Variants in CHAF1A observed in about 807,000 individuals in gnomAD.
CHAF1A encodes the protein chromatin assembly factor 1 subunit A.
CHAF1A carries 5 observed loss-of-function variants against 93.2 expected under a neutral mutation model. That is an observed-to-expected ratio of 0.05 (90% CI 0.03 to 0.11). The LOEUF (loss-of-function observed/expected upper bound fraction) is 0.11. CHAF1A is among the 10% of genes least tolerant of loss of function. The probability of loss-of-function intolerance (pLI) is 1.00; values close to 1 mark genes in which losing one functional copy is unlikely to be tolerated. For missense variants in CHAF1A, 1,102 were observed against 1,259.9 expected, an observed-to-expected ratio of 0.87 and a Z score of 1.90; for synonymous variants, 504 against 510.3, an observed-to-expected ratio of 0.99 and a Z score of 0.17.
chr19:4,414,885 C>T (rs556309171), intron 3 of CHAF1A, among the ~76,000 whole-genome samples: 18 of 152,160 alleles, frequency 1.2e-4, no homozygotes, highest in Non-Finnish European at 2.5e-4. Context: ...TTCTCTTTTC[C>T]CCCCTGCCTC....
Position 4,442,433 on chromosome 19 carries a change from C to T in CHAF1A, c.2770+92C>T, listed in dbSNP as rs1599667552. Reference sequence around the variant, plus strand: ...AAGGGATGGGGCTGCCTAAGACTAGCTCCACTGTGAGCAGCCAGGAGGGCT... The same window carrying T: ...AAGGGATGGGGCTGCCTAAGACTAGTTCCACTGTGAGCAGCCAGGAGGGCT... On this transcript the variant is annotated intron_variant, in intron 14 of 14. Coordinates refer to ENST00000301280, the MANE Select transcript of CHAF1A (RefSeq NM_005483.3). The T allele has an allele frequency of 2.8e-6, 3 of 1,073,304 alleles. No individual in the cohort carries two copies. The East Asian group carries it at 7.8e-5, about 28-fold the overall frequency. 66.5% of individuals were successfully genotyped at this position (1,073,304 alleles called of 1,614,324 possible). A position where few individuals can be genotyped will look rare whatever the true frequency, so the allele number is the denominator to read the frequency against.
At chr19:4,445,904 TG>T (rs1974500510), downstream of CHAF1A, 2 of 1,337,772 alleles carry the variant, frequency 1.5e-6, no homozygotes. Flanking sequence ...TGCCAGTAAG[TG>T]GGAAAGCAGG....
intron 13 of CHAF1A, among the ~76,000 whole-genome samples, chr19:4,441,529 AC>A (rs1350946689): frequency 1.1e-4 from 16 of 151,832 alleles, no homozygotes; most frequent in African/African-American, 3.9e-4. Flanking sequence ...AATCGCTTGA[AC>A]CCGGGTGGCG....
chr19:4,448,004 C>T, downstream of CHAF1A: 2 of 521,278 alleles, frequency 3.8e-6, no homozygotes, highest in Non-Finnish European at 7.0e-6. Context: ...CGTGGACCTC[C>T]AGGCCTGCCC....
At chr19:4,435,050 G>A (rs1271498689) in intron 13 of CHAF1A, among the ~76,000 whole-genome samples, 1 of 147,962 alleles carries the variant, frequency 6.8e-6, no homozygotes, top group Non-Finnish European at 1.5e-5. Flanking sequence ...TTACCACACA[G>A]TGTTCGGAAG....
chr19:4,412,910 C>T (rs140703584), intron 3 of CHAF1A, among the ~76,000 whole-genome samples: 57 of 152,308 alleles, frequency 3.7e-4, no homozygotes, highest in Non-Finnish European at 6.5e-4. Context: ...ATGAGGGAAG[C>T]GATTATCGGG....
rs764156254 is a variant in CHAF1A at position 4,409,664 on chromosome 19, T to C, written c.865T>C (p.Ser289Pro). 12 of 1,613,892 alleles carry C rather than the reference T, an allele frequency of 7.4e-6. No homozygotes were observed. Among genetic ancestry groups the C allele is most frequent in the African/African-American group, 1.3e-5 (1 of 74,860 alleles). ...DSVLSHSSLS[S>P]PSSTSSPEGP... ...TGTACTCAGCCATTCGTCCCTGAGC[T>C]CTCCCTCTTCCACCAGCTCGCCCGA... The change falls in exon 3 of 15, where the codon TCT (serine) becomes CCT (proline). Residue 289 changes from serine to proline, a missense_variant. Ser to Pro is a moderately conservative substitution (Grantham distance 74, BLOSUM62 -1). Around this residue, in one of 6 missense-constraint regions of CHAF1A, gnomAD observed 379 missense variants for 365.7 expected, o/e 1.04. Transcript: ENST00000301280.
chr19:4,409,015 G>T lies in CHAF1A; in HGVS notation c.216G>T (p.Leu72Phe). Reference sequence around the variant, plus strand: ...AAAGCCCCGATTTAGAGGCCTCTTTGGACACCTTGGAAAACAACTGTCATG... The same window carrying T: ...AAAGCCCCGATTTAGAGGCCTCTTTTGACACCTTGGAAAACAACTGTCATG... ...QSKSPDLEAS[L>F]DTLENNCHVG... The change falls in exon 3 of 15, where the codon TTG becomes TTT. Residue 72 changes from leucine (L) to phenylalanine (F), a missense_variant. By Grantham distance (22) the Leu-to-Phe change is conservative (BLOSUM62 0). Around this residue, in one of 6 missense-constraint regions of CHAF1A, gnomAD observed 379 missense variants for 365.7 expected, o/e 1.04. Transcript: ENST00000301280. 1 of 1,614,098 alleles carries T rather than the reference G, an allele frequency of 6.2e-7. No individual in the cohort carries two copies. The highest frequency in any genetic ancestry group is 8.5e-7 in the Non-Finnish European group (1 of 1,180,032).
At chr19:4,450,781 AAAAAAG>A in the CHAF1A span, 2 of 151,074 alleles carry the variant, frequency 1.3e-5, no homozygotes, top group African/African-American at 4.9e-5. Context: ...AAAAAAAAAA[AAAAAAG>A]AGTGCCTACA....
At chr19:4,408,023 T>C (rs1252876920) in intron 2 of CHAF1A, among the ~76,000 whole-genome samples, 1 of 150,970 alleles carries the variant, frequency 6.6e-6, no homozygotes, top group Non-Finnish European at 1.5e-5. Flanking sequence ...CCCCCTCTTT[T>C]TTTTTGAGAC....
chr19:4,428,783 C>G lies in CHAF1A; in HGVS notation c.1497C>G (p.Leu499=), dbSNP rs1410509177. ...PDLCSQLDQL[L]QQQSGEFSFL... ...TCTGCAGTCAGCTGGACCAGCTCCTCCAGCAGCAGAGCGGCGAGTTCTCCT... is the reference window on the plus strand; with the variant it reads ...TCTGCAGTCAGCTGGACCAGCTCCTGCAGCAGCAGAGCGGCGAGTTCTCCT... The change falls in exon 8 of 15, where the codon CTC becomes CTG. Residue 499 remains leucine (L), a synonymous_variant. Coordinates refer to ENST00000301280, the MANE Select transcript of CHAF1A (RefSeq NM_005483.3). 5.0e-6 allele frequency: 8 copies of G among 1,614,048 alleles called. 1 individual carries two copies. Among genetic ancestry groups the G allele is most frequent in the Non-Finnish European group, 6.8e-6 (8 of 1,180,042 alleles).
intron 3 of CHAF1A, among the ~76,000 whole-genome samples, chr19:4,415,154 T>C (rs1276773296): frequency 6.6e-6 from 1 of 152,056 alleles, no homozygotes; most frequent in Non-Finnish European, 1.5e-5. Context: ...CTGGGTAGAA[T>C]GTGGGAGTGT....
chr19:4,409,253 G>C lies in CHAF1A; in HGVS notation c.454G>C (p.Glu152Gln), dbSNP rs1355516302. ...PSREAINGQR[E>Q]DTGDQQGLLK... ...CAGGGAGGCAATAAATGGCCAGCGA[G>C]AAGACACTGGGGATCAGCAGGGGTT... The change falls in exon 3 of 15, where the codon GAA becomes CAA. Residue 152 changes from glutamate (E) to glutamine (Q), a missense_variant. Around this residue, in one of 6 missense-constraint regions of CHAF1A, gnomAD observed 379 missense variants for 365.7 expected, o/e 1.04. Coordinates refer to ENST00000301280, the MANE Select transcript of CHAF1A (RefSeq NM_005483.3). 4.3e-6 allele frequency: 7 copies of C among 1,614,068 alleles called. No individual in the cohort carries two copies. The highest frequency in any genetic ancestry group is 5.9e-6 in the Non-Finnish European group (7 of 1,180,042).
rs1020591207 is a variant in CHAF1A at position 4,402,909 on chromosome 19, C to G, written c.52+95C>G. 3.9e-6 allele frequency: 3 copies of G among 763,866 alleles called. No homozygotes were observed. In the African/African-American group the frequency reaches 5.5e-5, roughly 14 times the overall value. The allele number at this position is 763,866 out of a possible 1,614,324, so 47.3% of individuals were successfully genotyped here. ...GGGAGGCGGACGGGCCTCCGGGCGC[C>G]AAGCCTGGTCCTGCGGGCCGGGCGT... On this transcript the variant is annotated intron_variant, in intron 1 of 14. Transcript: ENST00000301280.
chr19:4,406,288 T>C (rs1157419092), intron 2 of CHAF1A, among the ~76,000 whole-genome samples: 1 of 152,204 alleles, frequency 6.6e-6, no homozygotes, highest in Non-Finnish European at 1.5e-5. Flanking sequence ...ACCAAAAATA[T>C]CTCTATACGT....
intron 12 of CHAF1A, 126 bp from the exon 13 acceptor site, chr19:4,432,944 C>G (rs1012606457): frequency 6.8e-6 from 5 of 730,854 alleles, no homozygotes; most frequent in Non-Finnish European, 1.1e-5. Flanking sequence ...ATGAGGCCAC[C>G]TATCCCCGAA....
chr19:4,422,525 T>C lies in CHAF1A; in HGVS notation c.1018-41T>C, dbSNP rs1974008444. 1.3e-6 allele frequency: 2 copies of C among 1,530,266 alleles called. No individual in the cohort carries two copies. The highest frequency in any genetic ancestry group is 1.8e-6 in the Non-Finnish European group (2 of 1,128,360). The allele number at this position is 1,530,266 out of a possible 1,614,324, so 94.8% of individuals were successfully genotyped here. A position where few individuals can be genotyped will look rare whatever the true frequency, so the allele number is the denominator to read the frequency against. On this transcript the variant is annotated intron_variant, in intron 4 of 14. Transcript: ENST00000301280. This position sits in a 1 kb window ranked among gnomAD's most constrained non-coding sequence, Gnocchi z 4.6. ...GTGAACCGAGCTTCCTCCTGGGAGT[T>C]GGAGGGAGGGCCACCTGTCACTTGC...
At chr19:4,447,474 TG>T, downstream of CHAF1A, 1 of 1,534,764 alleles carries the variant, frequency 6.5e-7, no homozygotes, top group Non-Finnish European at 9.0e-7. Flanking sequence ...CCGCCTGGTG[TG>T]GGCCACCACC....
At chr19:4,415,955 C>T (rs991944556) in intron 3 of CHAF1A, among the ~76,000 whole-genome samples, 16 of 151,914 alleles carry the variant, frequency 1.1e-4, no homozygotes, top group Non-Finnish European at 1.6e-4. Context: ...GGGCGGATCA[C>T]GAGGTCAGGA....
Sources: allele counts gnomAD v4.1 joint callset (sites outside exome capture counted in the v4.1 genomes callset), GRCh38; gene constraint gnomAD v4.1.1; regional missense constraint gnomAD v4.1.1; non-coding constraint Gnocchi (gnomAD v3.1); transcripts MANE v1.5; gene names NCBI Gene and HGNC (gene_info 2026-07-23, HGNC 2026-07-21).